Variants in ROBO1 observed in about 807,000 individuals in gnomAD.
ROBO1 encodes roundabout guidance receptor 1.
A neutral mutation model predicts 195.9 loss-of-function variants in ROBO1; 149 were observed. That is an observed-to-expected ratio of 0.76 (90% CI 0.67 to 0.87). The LOEUF (loss-of-function observed/expected upper bound fraction) is 0.87, where lower values mean the gene tolerates loss of function less well. Ranked by LOEUF, ROBO1 falls within the 40% of genes least tolerant of loss-of-function variation. The pLI, the probability that ROBO1 is intolerant of heterozygous loss-of-function variation, is 0.00. For synonymous variants in ROBO1, 816 were observed against 733.2 expected (o/e 1.11, Z -1.82); for missense variants, 1,933 against 2,068.3 (o/e 0.93, Z 1.27).
chr3:79,227,873 A>C (rs970930747), intron 2 of ROBO1, among the ~76,000 whole-genome samples: 1 of 152,206 alleles, frequency 6.6e-6, no homozygotes, highest in Non-Finnish European at 1.5e-5. Flanking sequence ...CAGAGATACA[A>C]GAGTTTTCTT....
At chr3:79,764,258 G>A (rs777241625) in intron 1 of ROBO1, among the ~76,000 whole-genome samples, 1 of 152,146 alleles carries the variant, frequency 6.6e-6, no homozygotes, top group African/African-American at 2.4e-5. Context: ...TATAGAATTA[G>A]GAGAATTGGC....
chr3:79,650,182 C>G (rs1945961419), intron 1 of ROBO1, among the ~76,000 whole-genome samples: 2 of 151,914 alleles, frequency 1.3e-5, no homozygotes, highest in South Asian at 4.1e-4. Flanking sequence ...CTACAAATCT[C>G]TGACAAACTG....
At chr3:79,078,259 TGAATGGGATTAAA>T (rs2079210312) in intron 3 of ROBO1, among the ~76,000 whole-genome samples, 1 of 151,822 alleles carries the variant, frequency 6.6e-6, no homozygotes, top group South Asian at 2.1e-4. Context: ...TGGATGCATG[TGAATGGGATTAAA>T]TAATTGAGGG....
intron 4 of ROBO1, among the ~76,000 whole-genome samples, chr3:78,902,027 T>C (rs1170307794): frequency 6.6e-6 from 1 of 152,138 alleles, no homozygotes; most frequent in Non-Finnish European, 1.5e-5. Flanking sequence ...ACCTCTGGAG[T>C]CCTTGATAAA....
intron 1 of ROBO1, among the ~76,000 whole-genome samples, chr3:79,759,573 T>C (rs1161021499): frequency 5.9e-5 from 9 of 152,264 alleles, no homozygotes; most frequent in Non-Finnish European, 1.2e-4. Context: ...TAAATGACGC[T>C]ATGCATAGCT....
intron 2 of ROBO1, among the ~76,000 whole-genome samples, chr3:79,313,153 C>T (rs1056231951): frequency 2.7e-5 from 4 of 148,160 alleles, no homozygotes; most frequent in African/African-American, 1.0e-4. Context: ...TGCCACTGCA[C>T]TCCAGCCTGG....
In ROBO1 at chr3:78,662,029, G is replaced by T; in HGVS notation, c.2052C>A (p.Thr684=). The T allele has an allele frequency of 6.2e-7, 1 of 1,604,464 alleles. No individual in the cohort carries two copies. The highest frequency in any genetic ancestry group is 8.5e-7 in the Non-Finnish European group (1 of 1,175,542). ...GNAVLHLHNP[T]VLSSSSIEVH... is the part of the protein sequence containing the mutation. The stretch of plus-strand genomic sequence containing the variant: ...CTTCGATGGAAGAGGAAGAAAGGAC[G>T]GTGGGGTTGTGGAGGTGCAGAACAG... Residue 684 remains threonine, a synonymous_variant, in exon 15 of 31, where the codon ACC becomes ACA. Coordinates refer to ENST00000464233, the MANE Select transcript of ROBO1 (RefSeq NM_002941.4).
chr3:79,387,418 A>T (rs972871556), intron 2 of ROBO1, among the ~76,000 whole-genome samples: 27 of 150,722 alleles, frequency 1.8e-4, no homozygotes, highest in Non-Finnish European at 3.1e-4. Context: ...TGCATGCATA[A>T]TTTGTGTATA....
At chr3:78,642,252 T>C (rs1304813242) in intron 21 of ROBO1, among the ~76,000 whole-genome samples, 3 of 152,174 alleles carry the variant, frequency 2.0e-5, no homozygotes, top group Admixed American at 1.3e-4. Flanking sequence ...AGTAATTATA[T>C]GGCAATTACC....
chr3:79,306,042 G>C (rs1243962058), intron 2 of ROBO1, among the ~76,000 whole-genome samples: 1 of 152,064 alleles, frequency 6.6e-6, no homozygotes, highest in Non-Finnish European at 1.5e-5. Context: ...TTAGTAACAG[G>C]ATATAAATCC....
At chr3:79,667,660 A>G (rs1014316811) in intron 1 of ROBO1, among the ~76,000 whole-genome samples, 4 of 151,832 alleles carry the variant, frequency 2.6e-5, no homozygotes, top group Non-Finnish European at 5.9e-5. Context: ...AGAAAATATG[A>G]TATAATTAAA....
intron 2 of ROBO1, among the ~76,000 whole-genome samples, chr3:79,550,195 G>GAAAGAAAGAAAGAAAGAAA: frequency 3.3e-4 from 33 of 100,834 alleles, no homozygotes; most frequent in African/African-American, 1.4e-3. Flanking sequence ...AAGAAAGAAA[G>GAAAGAAAGAAAGAAAGAAA]GAAAAGAAAA....
intron 1 of ROBO1, 35 bp from the exon 2 acceptor site, chr3:79,589,996 T>C: frequency 1.1e-6 from 1 of 880,888 alleles, no homozygotes. Context: ...TTTGTAATGG[T>C]TAGCTATGCT....
chr3:79,193,562 C>T (rs531233421), intron 2 of ROBO1, among the ~76,000 whole-genome samples: 31 of 146,478 alleles, frequency 2.1e-4, no homozygotes, highest in Non-Finnish European at 2.8e-4. Flanking sequence ...TTGTATTTTA[C>T]GCCAAGGATG....
In ROBO1 at chr3:79,475,969, T is replaced by C. The variant is rs539278794; in HGVS notation, c.88+113855A>G. On this transcript the variant is annotated intron_variant, in intron 2 of 30. Coordinates refer to ENST00000464233, the MANE Select transcript of ROBO1 (RefSeq NM_002941.4). ...TTTTTGGAATGTTATTATTAATGGA[T>C]AAAATAAAATAAATGGAGTTAAAAT... Among the ~76,000 whole-genome samples, 5 of 152,006 alleles carry C rather than the reference T, an allele frequency of 3.3e-5. No homozygotes were observed. In the East Asian group the frequency reaches 9.7e-4, roughly 29 times the overall value.
At chr3:79,568,997 C>T (rs866660678) in intron 2 of ROBO1, among the ~76,000 whole-genome samples, 3 of 152,144 alleles carry the variant, frequency 2.0e-5, no homozygotes, top group South Asian at 4.1e-4. Flanking sequence ...AAGTTAGCCA[C>T]ATAATTAGCT....
chr3:79,610,103 A>G (rs1944610055), intron 1 of ROBO1, among the ~76,000 whole-genome samples: 1 of 151,950 alleles, frequency 6.6e-6, no homozygotes, highest in African/African-American at 2.4e-5. Context: ...TTTTAATAAT[A>G]TATTGTTAAT....
intron 2 of ROBO1, among the ~76,000 whole-genome samples, chr3:79,460,942 G>T (rs1937616597): frequency 6.6e-6 from 1 of 151,742 alleles, no homozygotes; most frequent in African/African-American, 2.4e-5. Flanking sequence ...TAGAGACGGG[G>T]TTTCACCTTG....
intron 2 of ROBO1, among the ~76,000 whole-genome samples, chr3:79,218,542 A>G (rs1202212833): frequency 3.3e-5 from 5 of 152,014 alleles, no homozygotes; most frequent in Non-Finnish European, 2.9e-5. Context: ...TAATAAATTT[A>G]TAGTATATAA....
Sources: gnomAD v4.1 joint callset for allele counts (sites outside exome capture counted in the v4.1 genomes callset) on GRCh38, gnomAD v4.1.1 for gene constraint, MANE v1.5 for transcripts, NCBI Gene and HGNC (gene_info 2026-07-23, HGNC 2026-07-21) for gene names.